HIRA: variants seen among roughly 807,000 people sequenced by gnomAD.
HIRA encodes the protein protein HIRA.
A neutral mutation model predicts 126.6 loss-of-function variants in HIRA; 13 were observed. The ratio of observed to expected loss-of-function variants is 0.10; its 90% CI spans 0.07 to 0.16. The LOEUF (loss-of-function observed/expected upper bound fraction) is 0.16. Among genes scored for constraint, HIRA ranks in the 10% least tolerant of loss-of-function variants. The pLI, the probability that HIRA is intolerant of heterozygous loss-of-function variation, is 1.00. For synonymous variants in HIRA, 511 were observed against 520.0 expected, an observed-to-expected ratio of 0.98 and a Z score of 0.24; for missense variants, 834 against 1,314.4, an observed-to-expected ratio of 0.63 and a Z score of 5.65.
intron 24 of HIRA, among the ~76,000 whole-genome samples, chr22:19,346,372 GATAA>G (rs2088687098): frequency 1.3e-5 from 2 of 152,204 alleles, no homozygotes; most frequent in South Asian, 4.1e-4. Context: ...AAAGAGTGTT[GATAA>G]ATAAACCCAA....
At chr22:19,415,969 C>T (rs774773289) in intron 1 of HIRA, among the ~76,000 whole-genome samples, 2 of 152,234 alleles carry the variant, frequency 1.3e-5, no homozygotes, top group South Asian at 2.1e-4. Context: ...TTGAGGATCT[C>T]GCATTTCCTT....
intron 15 of HIRA, among the ~76,000 whole-genome samples, chr22:19,363,970 A>G (rs913093600): frequency 6.6e-6 from 1 of 152,198 alleles, no homozygotes; most frequent in African/African-American, 2.4e-5. Context: ...CATTGGTTAA[A>G]CCCGTAAAAC....
intron 24 of HIRA, among the ~76,000 whole-genome samples, chr22:19,350,896 G>A (rs375353434): frequency 2.1e-4 from 32 of 152,068 alleles, no homozygotes; most frequent in African/African-American, 6.5e-4. Flanking sequence ...GGTTTCATCC[G>A]CAGTGTCCTC....
intron 15 of HIRA, among the ~76,000 whole-genome samples, chr22:19,363,114 G>A (rs1252689709): frequency 4.0e-5 from 6 of 150,890 alleles, no homozygotes; most frequent in African/African-American, 1.5e-4. Flanking sequence ...TGTGCCTGTA[G>A]TCCCAGCTAC....
chr22:19,398,047 T>C lies in HIRA; in HGVS notation c.438A>G (p.Leu146=), dbSNP rs373432911. The change falls in exon 6 of 25, where the codon CTA becomes CTG. Residue 146 remains leucine (L), a synonymous_variant. Transcript: ENST00000263208. ...DVAWSPHDAW[L]ASCSVDNTVV... ...CAGTGTTATCCACGCTGCATGAGGC[T>C]AGCCAGGCATCGTGGGGAGACCATG... The C allele has an allele frequency of 4.0e-5, 64 of 1,613,998 alleles. No individual in the cohort carries two copies. Among genetic ancestry groups the C allele is most frequent in the Non-Finnish European group, 5.3e-5 (62 of 1,180,006 alleles).
At position 19,375,614 on chromosome 22, in the gene HIRA, C is replaced by G; in HGVS notation, c.1775+17G>C. 1 of 1,613,514 alleles carries G rather than the reference C, an allele frequency of 6.2e-7. No individual in the cohort carries two copies. Among genetic ancestry groups the G allele is most frequent in the Non-Finnish European group, 8.5e-7 (1 of 1,179,564 alleles). ...GCACCCTGCCTGGTCCTTCAGGGTC[C>G]TGCAGCTACCACCTACCTTTCCACA... On this transcript the variant is annotated intron_variant, in intron 15 of 24. Coordinates refer to ENST00000263208, the MANE Select transcript of HIRA (RefSeq NM_003325.4).
chr22:19,362,666 T>G lies in HIRA; in HGVS notation c.1776-735A>C, dbSNP rs138635889. Reference sequence around the variant, plus strand: ...ACATCCACCTACTGGGGTCAAGTGATTCTCCTGCCTCAGTCTCCCAAGTAG... The same window carrying G: ...ACATCCACCTACTGGGGTCAAGTGAGTCTCCTGCCTCAGTCTCCCAAGTAG... On this transcript the variant is annotated intron_variant, in intron 15 of 24. Transcript: ENST00000263208. 5.2e-3 allele frequency among the ~76,000 whole-genome samples: 784 copies of G among 152,106 alleles called. 13 individuals carry two copies. The highest frequency in any genetic ancestry group is 0.018 in the African/African-American group (768 of 41,524).
chr22:19,419,659 A>G (rs1163218144), intron 1 of HIRA, among the ~76,000 whole-genome samples: 1 of 152,188 alleles, frequency 6.6e-6, no homozygotes, highest in Non-Finnish European at 1.5e-5. Context: ...TTATTCACTA[A>G]TTCATCCTCA....
At chr22:19,388,392 C>T (rs1160401855) in intron 10 of HIRA, 92 bp downstream of exon 10, 5 of 972,288 alleles carry the variant, frequency 5.1e-6, no homozygotes, top group Admixed American at 3.8e-5. Flanking sequence ...GGGCCACTGG[C>T]CACCTGACCC....
intron 2 of HIRA, among the ~76,000 whole-genome samples, chr22:19,409,598 A>G (rs1391424068): frequency 6.6e-6 from 1 of 152,194 alleles, no homozygotes; most frequent in Non-Finnish European, 1.5e-5. Flanking sequence ...AATGATTTCT[A>G]AGCTTTCCAT....
At chr22:19,375,562 C>T (rs757984287) in intron 15 of HIRA, 69 bp downstream of exon 15, 2 of 1,540,872 alleles carry the variant, frequency 1.3e-6, no homozygotes, top group South Asian at 1.2e-5. Flanking sequence ...GGTGGGAACA[C>T]TGCCACTGTG....
intron 2 of HIRA, among the ~76,000 whole-genome samples, chr22:19,409,052 G>A (rs1008033151): frequency 1.3e-5 from 2 of 152,178 alleles, no homozygotes; most frequent in Non-Finnish European, 2.9e-5. Flanking sequence ...CCCTAGTGGG[G>A]TTTCCCTCCC....
intron 13 of HIRA, among the ~76,000 whole-genome samples, chr22:19,378,786 A>G (rs2089042693): frequency 6.6e-6 from 1 of 152,254 alleles, no homozygotes; most frequent in South Asian, 2.1e-4. Flanking sequence ...TAAGATTCAC[A>G]TAATATATGG....
chr22:19,364,868 A>C (rs1435342025), intron 15 of HIRA, among the ~76,000 whole-genome samples: 1 of 152,202 alleles, frequency 6.6e-6, no homozygotes, highest in East Asian at 1.9e-4. Context: ...CAAAAGCTAT[A>C]CCTTTTGCAC....
intron 15 of HIRA, among the ~76,000 whole-genome samples, chr22:19,375,245 G>A (rs532567339): frequency 6.6e-6 from 1 of 152,260 alleles, no homozygotes; most frequent in East Asian, 1.9e-4. Context: ...TGAGTGGAAG[G>A]CCGTCACTTC....
rs781863855 is a variant in HIRA, at chr22:19,331,522, A to G, written c.2972T>C (p.Leu991Pro). The G allele has an allele frequency of 6.2e-7, 1 of 1,611,278 alleles. No homozygotes were observed. Among genetic ancestry groups the G allele is most frequent in the Non-Finnish European group, 8.5e-7 (1 of 1,178,006 alleles). The change falls in exon 25 of 25, where the codon CTA becomes CCA. Residue 991 changes from leucine to proline, a missense_variant. By Grantham distance (98) the Leu-to-Pro change is moderately conservative. Transcript: ENST00000263208. ...TCGGAGGTTCTGCCCGATGACTGGT[A>G]GCAGCTCCTTCAGCAGCTCCCTCTT... is the stretch of plus-strand genomic sequence containing the variant. Reference protein sequence around the residue: ...LRKRELLKELLPVIGQNLRFQ... With the variant: ...LRKRELLKELPPVIGQNLRFQ...
In HIRA at chr22:19,351,819, G is replaced by A. The variant is rs1164660163; in HGVS notation, c.2849-373C>T. ...TTGAGAAGATGCGCTGGCAGCTGGT[G>A]TTGAGGGGAGGTCAGGAGGGTGGGA... On this transcript the variant is annotated intron_variant, in intron 23 of 24. Transcript: ENST00000263208. This position sits in a 1 kb window ranked among gnomAD's most constrained non-coding sequence, Gnocchi z 4.8. Among the ~76,000 whole-genome samples, 1 of 152,168 alleles carries A rather than the reference G, an allele frequency of 6.6e-6. No homozygotes were observed. The highest frequency in any genetic ancestry group is 2.4e-5 in the African/African-American group (1 of 41,442).
chr22:19,334,006 G>A (rs1261790940), intron 24 of HIRA, among the ~76,000 whole-genome samples: 1 of 150,020 alleles, frequency 6.7e-6, no homozygotes, highest in African/African-American at 2.5e-5. Context: ...ATGGAGCCTC[G>A]ATCTGTCGCC....
At chr22:19,429,685 G>A (rs983704554) in intron 1 of HIRA, among the ~76,000 whole-genome samples, 9 of 152,086 alleles carry the variant, frequency 5.9e-5, no homozygotes, top group African/African-American at 1.2e-4. Context: ...TACCTAGTTC[G>A]TCACTTAAGC....
Sources: allele counts gnomAD v4.1 joint callset (sites outside exome capture counted in the v4.1 genomes callset), GRCh38; gene constraint gnomAD v4.1.1; non-coding constraint Gnocchi (gnomAD v3.1); transcripts MANE v1.5; gene names NCBI Gene and HGNC (gene_info 2026-07-23, HGNC 2026-07-21).